EYS: variants seen among roughly 807,000 people sequenced by gnomAD.
The protein encoded by EYS is EGF-like photoreceptor maintenance factor, also known as protein eyes shut homolog.
A neutral mutation model predicts 282.1 loss-of-function variants in EYS; 250 were observed. The observed-to-expected ratio is 0.89, with a 90% CI of 0.80 to 0.98. The LOEUF (loss-of-function observed/expected upper bound fraction) is 0.98. Ranked by LOEUF, EYS falls within the 50% of genes least tolerant of loss-of-function variation. The pLI is 0.00. For missense variants in EYS, 4,016 were observed against 3,709.0 expected (o/e 1.08, Z -2.15); for synonymous variants, 1,355 against 1,282.9 (o/e 1.06, Z -1.20).
At chr6:64,782,731 C>T (rs544496775) in intron 22 of EYS, among the ~76,000 whole-genome samples, 9 of 152,046 alleles carry the variant, frequency 5.9e-5, no homozygotes, top group Non-Finnish European at 1.0e-4. Context: ...AATAAATGTG[C>T]CATTAAAGTC....
At chr6:65,623,621 G>A (rs967824645) in intron 2 of EYS, among the ~76,000 whole-genome samples, 2 of 152,040 alleles carry the variant, frequency 1.3e-5, no homozygotes, top group African/African-American at 4.8e-5. Flanking sequence ...AAATTGAAGC[G>A]ATAAAAGGTT....
chr6:63,934,819 C>T (rs924529062), intron 35 of EYS, among the ~76,000 whole-genome samples: 5 of 151,782 alleles, frequency 3.3e-5, no homozygotes, highest in Non-Finnish European at 7.4e-5. Flanking sequence ...TTAATGGGTG[C>T]AGCACACCAA....
chr6:64,189,035 T>C (rs187950426), intron 31 of EYS, among the ~76,000 whole-genome samples: 5 of 152,314 alleles, frequency 3.3e-5, no homozygotes, highest in South Asian at 2.1e-4. Flanking sequence ...TGTAATATCA[T>C]TGAAAAACTC....
intron 19 of EYS, among the ~76,000 whole-genome samples, chr6:64,871,653 A>G (rs1301912531): frequency 6.6e-6 from 1 of 152,040 alleles, no homozygotes; most frequent in African/African-American, 2.4e-5. Context: ...TCTAAAGGTC[A>G]ACACCATACT....
intron 22 of EYS, among the ~76,000 whole-genome samples, chr6:64,712,856 T>C (rs112805805): frequency 6.6e-6 from 1 of 152,170 alleles, no homozygotes; most frequent in Non-Finnish European, 1.5e-5. Flanking sequence ...AAGACAACTA[T>C]GCAACAAGAG....
At chr6:65,144,868 G>A (rs185676947) in intron 12 of EYS, among the ~76,000 whole-genome samples, 10 of 151,590 alleles carry the variant, frequency 6.6e-5, no homozygotes, top group Admixed American at 1.3e-4. Context: ...AGGTTCAAGC[G>A]ATTCTCCTGC....
chr6:65,037,037 T>G (rs900438764), intron 13 of EYS, among the ~76,000 whole-genome samples: 1 of 151,932 alleles, frequency 6.6e-6, no homozygotes, highest in Non-Finnish European at 1.5e-5. Context: ...CTATTCCTAA[T>G]AGCAAAGTCA....
chr6:64,642,270 ATTTATC>A (rs1768183315), intron 22 of EYS, among the ~76,000 whole-genome samples: 1 of 152,152 alleles, frequency 6.6e-6, no homozygotes, highest in Non-Finnish European at 1.5e-5. Flanking sequence ...TTCATTCGTA[ATTTATC>A]TTTATATTTA....
At chr6:65,641,082 T>C (rs1767260085) in intron 1 of EYS, among the ~76,000 whole-genome samples, 1 of 152,222 alleles carries the variant, frequency 6.6e-6, no homozygotes, top group Admixed American at 6.5e-5. Flanking sequence ...TTAGCTTAGC[T>C]AGAAATATGT....
chr6:64,433,402 CT>C (rs755135579), intron 28 of EYS, among the ~76,000 whole-genome samples: 3 of 151,876 alleles, frequency 2.0e-5, no homozygotes, highest in African/African-American at 4.8e-5. Flanking sequence ...GTGTTTTTGA[CT>C]TTTTTTCCCC....
chr6:65,176,506 A>C (rs992758237), intron 12 of EYS, among the ~76,000 whole-genome samples: 3 of 151,656 alleles, frequency 2.0e-5, no homozygotes, highest in Non-Finnish European at 4.4e-5. Flanking sequence ...TTTAAAAAAA[A>C]CTATAACAAT....
At chr6:65,201,716 C>G (rs1450823932) in intron 12 of EYS, among the ~76,000 whole-genome samples, 2 of 152,102 alleles carry the variant, frequency 1.3e-5, no homozygotes, top group East Asian at 3.9e-4. Context: ...TGTCCTATAA[C>G]TATTTCAAAG....
intron 22 of EYS, among the ~76,000 whole-genome samples, chr6:64,699,061 T>C (rs1457195610): frequency 6.6e-6 from 1 of 151,922 alleles, no homozygotes. Flanking sequence ...AAAGCAAAGA[T>C]TAATCAACTT....
rs557736141 is a variant in EYS, at chr6:65,266,569, G to T, written c.2023+29294C>A. Among the ~76,000 whole-genome samples the T allele has an allele frequency of 9.2e-5, 14 of 151,936 alleles. 1 individual carries two copies. The highest frequency in any genetic ancestry group is 3.1e-4 in the African/African-American group (13 of 41,506). On this transcript the variant is annotated intron_variant, in intron 12 of 42. Transcript: ENST00000503581. ...AAAATGCTTTATGTAAATTGATCGT[G>T]GTGCATAAGCCTTTTGATGTGCTGC...
chr6:64,824,513 T>C (rs1764992406), intron 19 of EYS, among the ~76,000 whole-genome samples: 1 of 151,888 alleles, frequency 6.6e-6, no homozygotes, highest in Non-Finnish European at 1.5e-5. Flanking sequence ...ACATTATATT[T>C]GATTAGTGAT....
intron 28 of EYS, among the ~76,000 whole-genome samples, chr6:64,418,197 C>T (rs1191785816): frequency 6.6e-6 from 1 of 152,074 alleles, no homozygotes; most frequent in Non-Finnish European, 1.5e-5. Flanking sequence ...TTATTTCATA[C>T]TGTAGCTATC....
chr6:64,759,470 C>T (rs990850607), intron 22 of EYS, among the ~76,000 whole-genome samples: 33 of 152,006 alleles, frequency 2.2e-4, no homozygotes, highest in African/African-American at 7.7e-4. Flanking sequence ...AATAATGTGT[C>T]TATATAAAAC....
At chr6:65,290,216 G>T (rs1768485376) in intron 12 of EYS, among the ~76,000 whole-genome samples, 2 of 150,994 alleles carry the variant, frequency 1.3e-5, no homozygotes, top group South Asian at 2.1e-4. Context: ...GCATTGTAAA[G>T]TTTAGTAAAG....
intron 36 of EYS, among the ~76,000 whole-genome samples, chr6:63,848,343 T>C (rs1772153310): frequency 6.6e-6 from 1 of 152,060 alleles, no homozygotes; most frequent in Admixed American, 6.6e-5. Context: ...TGGATAGTTT[T>C]AAAAACTAAA....
Sources: gnomAD v4.1 joint callset for allele counts (sites outside exome capture counted in the v4.1 genomes callset) on GRCh38, gnomAD v4.1.1 for gene constraint, MANE v1.5 for transcripts, NCBI Gene and HGNC (gene_info 2026-07-23, HGNC 2026-07-21) for gene names.